RBFOX1: variants seen among roughly 807,000 people sequenced by gnomAD.
The protein encoded by RBFOX1 is RNA binding fox-1 homolog 1.
A neutral mutation model predicts 57.7 loss-of-function variants in RBFOX1; 8 were observed. The observed-to-expected ratio is 0.14, with a 90% confidence interval of 0.08 to 0.25. The LOEUF is 0.25. Among genes scored for constraint, RBFOX1 ranks in the 10% least tolerant of loss-of-function variants. The pLI is 1.00. For synonymous variants in RBFOX1, 326 were observed against 222.4 expected (o/e 1.47, Z -4.15); for missense variants, 611 against 548.5 (o/e 1.11, Z -1.14).
At chr16:6,157,973 A>T (rs1284346254) in intron 1 of RBFOX1, among the ~76,000 whole-genome samples, 1 of 152,226 alleles carries the variant, frequency 6.6e-6, no homozygotes, top group East Asian at 1.9e-4. Flanking sequence ...ATGAGCAGAA[A>T]GATGAGATAT....
In RBFOX1 at chr16:6,483,947, C is replaced by G. The variant is rs145517535; in HGVS notation, c.-64+166890C>G. 2,145 of 1,053,932 alleles carry G rather than the reference C, an allele frequency of 2.0e-3. 88 individuals are homozygous for G. The East Asian group carries it at 0.11, about 52-fold the overall frequency. 65.3% of individuals were successfully genotyped at this position (1,053,932 alleles called of 1,614,324 possible). A position where few individuals can be genotyped will look rare whatever the true frequency, so the allele number is the denominator to read the frequency against. Reference sequence around the variant, plus strand: ...AGCCGAGCTCCAGCTCCGGGGACCTCGGAGACTGTGCTCAGGGCTCGCCCT... The same window carrying G: ...AGCCGAGCTCCAGCTCCGGGGACCTGGGAGACTGTGCTCAGGGCTCGCCCT... On this transcript the variant is annotated intron_variant, in intron 2 of 15. Transcript: ENST00000550418.
chr16:6,723,850 G>C (rs1013687546), intron 3 of RBFOX1: 5 of 152,014 alleles, frequency 3.3e-5, no homozygotes, highest in African/African-American at 1.2e-4. Flanking sequence ...TTCTGCACGA[G>C]GTTCTCACCA....
intron 14 of RBFOX1, among the ~76,000 whole-genome samples, chr16:7,706,406 C>T (rs2082455603): frequency 6.6e-6 from 1 of 152,088 alleles, no homozygotes; most frequent in Non-Finnish European, 1.5e-5. Context: ...CAAATTGTTA[C>T]CTTGGGTTTT....
At chr16:5,905,842 A>C (rs896577815) in intron 4 of RBFOX1, among the ~76,000 whole-genome samples, 1 of 151,910 alleles carries the variant, frequency 6.6e-6, no homozygotes, top group Non-Finnish European at 1.5e-5. Flanking sequence ...AAAGTGATAC[A>C]CTCCCCAAAT....
chr16:6,360,480 G>T (rs954443785), intron 2 of RBFOX1, among the ~76,000 whole-genome samples: 3 of 152,098 alleles, frequency 2.0e-5, no homozygotes. Flanking sequence ...TGGATTTACA[G>T]CTTACACCTC....
chr16:7,037,573 C>G (rs1268521198), intron 3 of RBFOX1, among the ~76,000 whole-genome samples: 1 of 152,184 alleles, frequency 6.6e-6, no homozygotes, highest in Non-Finnish European at 1.5e-5. Context: ...AACAAATGGA[C>G]TACTGAATTC....
At chr16:6,891,584 C>G (rs1420469741) in intron 3 of RBFOX1, among the ~76,000 whole-genome samples, 2 of 152,210 alleles carry the variant, frequency 1.3e-5, no homozygotes, top group Non-Finnish European at 2.9e-5. Flanking sequence ...CCAGGCATAG[C>G]ATTCCTCAGC....
intron 1 of RBFOX1, among the ~76,000 whole-genome samples, chr16:5,308,656 T>C (rs898455773): frequency 2.6e-5 from 4 of 152,222 alleles, no homozygotes; most frequent in Non-Finnish European, 4.4e-5. Context: ...ATTATTCTTT[T>C]CAGGGCCGAT....
intron 4 of RBFOX1, among the ~76,000 whole-genome samples, chr16:7,430,748 G>C (rs1407926696): frequency 6.6e-6 from 1 of 152,036 alleles, no homozygotes; most frequent in African/African-American, 2.4e-5. Flanking sequence ...TTCAAGTTCA[G>C]TGGCCAGGGT....
intron 4 of RBFOX1, among the ~76,000 whole-genome samples, chr16:5,930,944 G>GGGTAGGTGGGAGGTTGGGTA (rs2152247473): frequency 6.9e-6 from 1 of 145,756 alleles, no homozygotes; most frequent in African/African-American, 2.5e-5. Flanking sequence ...ATGGGTAGGT[G>GGGTAGGTGGGAGGTTGGGTA]GGTGGGTGGG....
intron 3 of RBFOX1, among the ~76,000 whole-genome samples, chr16:5,622,944 C>G (rs1009444366): frequency 2.6e-5 from 4 of 152,314 alleles, no homozygotes; most frequent in Middle Eastern, 3.4e-3. Context: ...GTTGTATTGG[C>G]TATTACAGGT....
intron 2 of RBFOX1, among the ~76,000 whole-genome samples, chr16:6,422,819 T>C (rs909229753): frequency 2.6e-5 from 4 of 152,100 alleles, no homozygotes; most frequent in Admixed American, 2.0e-4. Context: ...ACCTCCAACA[T>C]TGGAGACCAC....
chr16:7,548,310 C>G (rs1225367011), intron 5 of RBFOX1, among the ~76,000 whole-genome samples: 1 of 152,142 alleles, frequency 6.6e-6, no homozygotes, highest in East Asian at 1.9e-4. Context: ...GTGCCTGCCA[C>G]TATGTCCGGC....
intron 14 of RBFOX1, among the ~76,000 whole-genome samples, chr16:7,690,479 T>A (rs1427607877): frequency 6.6e-6 from 1 of 152,036 alleles, no homozygotes; most frequent in South Asian, 2.1e-4. Context: ...GCCAGACTTG[T>A]TTTATGAACA....
intron 2 of RBFOX1, among the ~76,000 whole-genome samples, chr16:6,379,324 C>T (rs1408552482): frequency 6.6e-6 from 1 of 152,002 alleles, no homozygotes; most frequent in Non-Finnish European, 1.5e-5. Flanking sequence ...ATAAGGTGGC[C>T]CAAAATTAGG....
chr16:6,665,848 T>C (rs1358098812), intron 3 of RBFOX1, among the ~76,000 whole-genome samples: 2 of 152,098 alleles, frequency 1.3e-5, no homozygotes, highest in African/African-American at 4.8e-5. Flanking sequence ...ATGTTACAGA[T>C]GAGAAAAATG....
intron 4 of RBFOX1, among the ~76,000 whole-genome samples, chr16:7,350,552 C>G (rs916292464): frequency 3.9e-5 from 6 of 152,152 alleles, no homozygotes; most frequent in African/African-American, 1.4e-4. Flanking sequence ...AAAGATTCCT[C>G]TGGAAAGTGG....
intron 3 of RBFOX1, among the ~76,000 whole-genome samples, chr16:7,016,836 G>A (rs2093940374): frequency 6.6e-6 from 1 of 152,092 alleles, no homozygotes; most frequent in Non-Finnish European, 1.5e-5. Context: ...ATTTGGTTTC[G>A]GCCAGCACTT....
At chr16:5,410,715 C>G (rs989637951) in intron 1 of RBFOX1, among the ~76,000 whole-genome samples, 6 of 152,208 alleles carry the variant, frequency 3.9e-5, no homozygotes, top group Admixed American at 3.3e-4. Context: ...CATGTGCATA[C>G]TTCCTGCCTC....
Sources: allele counts gnomAD v4.1 joint callset (sites outside exome capture counted in the v4.1 genomes callset), GRCh38; gene constraint gnomAD v4.1.1; transcripts MANE v1.5; gene names NCBI Gene and HGNC (gene_info 2026-07-23, HGNC 2026-07-21).